Variants in ABCA4 observed in about 807,000 individuals in gnomAD.
ABCA4 encodes retinal-specific phospholipid-transporting ATPase ABCA4.
A neutral mutation model predicts 263.7 loss-of-function variants in ABCA4; 196 were observed. The observed-to-expected ratio is 0.74, with a 90% confidence interval of 0.66 to 0.84. The LOEUF (loss-of-function observed/expected upper bound fraction) is 0.84. Among genes scored for constraint, ABCA4 ranks in the 40% least tolerant of loss-of-function variants. The probability of loss-of-function intolerance (pLI) is 0.00; values close to 1 mark genes in which losing one functional copy is unlikely to be tolerated. For missense variants in ABCA4, 2,792 were observed against 2,855.1 expected (o/e 0.98, Z 0.50); for synonymous variants, 1,133 against 1,094.2 (o/e 1.04, Z -0.70).
chr1:94,106,707 G>C (rs1005709579), intron 4 of ABCA4, among the ~76,000 whole-genome samples: 4 of 152,184 alleles, frequency 2.6e-5, no homozygotes, highest in African/African-American at 9.7e-5. Context: ...ACGTAATTCA[G>C]CATCTTCATA....
At chr1:94,057,719 G>A (rs930650246) in intron 14 of ABCA4, among the ~76,000 whole-genome samples, 1 of 152,224 alleles carries the variant, frequency 6.6e-6, no homozygotes, top group African/African-American at 2.4e-5. Flanking sequence ...CTTTGGCTAT[G>A]TAGAAAATAG....
intron 30 of ABCA4, among the ~76,000 whole-genome samples, chr1:94,025,265 G>A (rs771774543): frequency 3.3e-4 from 50 of 151,984 alleles, no homozygotes; most frequent in Non-Finnish European, 5.4e-4. Context: ...ACAGAATGGC[G>A]TCACTCCAAA....
At chr1:94,047,960 A>G (rs899538557) in intron 18 of ABCA4, among the ~76,000 whole-genome samples, 3 of 152,172 alleles carry the variant, frequency 2.0e-5, no homozygotes, top group East Asian at 1.9e-4. Context: ...GAAAAAGTCC[A>G]CTGTTTCTTC....
At chr1:94,025,784 C>T (rs1431269004) in intron 30 of ABCA4, among the ~76,000 whole-genome samples, 2 of 152,152 alleles carry the variant, frequency 1.3e-5, no homozygotes, top group Admixed American at 6.5e-5. Flanking sequence ...AGTTTCCTCC[C>T]GATGGATCTG....
intron 6 of ABCA4, among the ~76,000 whole-genome samples, chr1:94,088,378 C>T (rs1278981393): frequency 6.6e-6 from 1 of 152,154 alleles, no homozygotes; most frequent in African/African-American, 2.4e-5. Flanking sequence ...CTGCACACTC[C>T]CCGGATAGTC....
At chr1:94,071,721 G>T (rs1458907749) in intron 11 of ABCA4, among the ~76,000 whole-genome samples, 2 of 152,124 alleles carry the variant, frequency 1.3e-5, no homozygotes, top group South Asian at 4.2e-4. Flanking sequence ...TTACTATTTG[G>T]ACCTCCACCC....
intron 6 of ABCA4, among the ~76,000 whole-genome samples, chr1:94,088,613 A>T (rs1661892517): frequency 2.0e-5 from 3 of 152,184 alleles, no homozygotes; most frequent in Admixed American, 2.0e-4. Flanking sequence ...TCTGGGACCC[A>T]TCATGGGTTC....
intron 27 of ABCA4, among the ~76,000 whole-genome samples, chr1:94,031,464 A>G (rs1410444128): frequency 6.6e-6 from 1 of 152,254 alleles, no homozygotes; most frequent in East Asian, 1.9e-4. Context: ...AAAGAGGGCA[A>G]TGATTTTGAT....
intron 28 of ABCA4, 46 bp from the exon 29 acceptor site, chr1:94,030,572 A>G (rs1660171788): frequency 1.3e-5 from 20 of 1,533,558 alleles, no homozygotes; most frequent in Non-Finnish European, 1.8e-5. Flanking sequence ...GGCGCGTGCC[A>G]ACATCATGCA....
At chr1:94,015,691 C>T (rs1659713983) in intron 37 of ABCA4, 48 bp downstream of exon 37, 4 of 1,492,612 alleles carry the variant, frequency 2.7e-6, no homozygotes, top group South Asian at 1.2e-5. Flanking sequence ...CCACCCCCAC[C>T]ACCAGGCTTC....
rs1661673887 is a variant in ABCA4, at chr1:94,080,730, CAA to C, written c.859-14_859-13del. ...GGCCGATGGATAAACTAGGGCAAGG[CAA>C]AGTCTTCAGGTTATTTTAAGGCAGC... On this transcript the variant is annotated splice_polypyrimidine_tract_variant and intron_variant, in intron 7 of 49. Coordinates refer to ENST00000370225, the MANE Select transcript of ABCA4 (RefSeq NM_000350.3). The C allele has an allele frequency of 1.2e-6, 2 of 1,614,102 alleles. No homozygotes were observed. The highest frequency in any genetic ancestry group is 1.7e-6 in the Non-Finnish European group (2 of 1,180,016).
At chr1:93,999,737 C>G (rs1203610240) in intron 47 of ABCA4, among the ~76,000 whole-genome samples, 4 of 152,124 alleles carry the variant, frequency 2.6e-5, no homozygotes, top group Non-Finnish European at 5.9e-5. Flanking sequence ...CCTTTCAGCT[C>G]CAGAAAACTC....
At chr1:94,014,311 AGGAAGGAGGGACGGG>A (rs1463579087) in intron 38 of ABCA4, among the ~76,000 whole-genome samples, 1 of 144,672 alleles carries the variant, frequency 6.9e-6, no homozygotes, top group Non-Finnish European at 1.5e-5. Flanking sequence ...TGAAAAAGGA[AGGAAGGAGGGACGGG>A]GGAAGGAGGG....
chr1:94,119,280 T>C (rs1408637706), intron 1 of ABCA4, among the ~76,000 whole-genome samples: 1 of 152,144 alleles, frequency 6.6e-6, no homozygotes, highest in East Asian at 1.9e-4. Flanking sequence ...AGACAACAGA[T>C]AACTTCAGCA....
Position 94,098,575 on chromosome 1 carries a change from A to G in ABCA4, c.768+219T>C, listed in dbSNP as rs371924246. Reference sequence around the variant, plus strand: ...TTTAGAGTGGACACAAACATGCCACAGCCACATACCTAATGGTGAACCTCA... The same window carrying G: ...TTTAGAGTGGACACAAACATGCCACGGCCACATACCTAATGGTGAACCTCA... On this transcript the variant is annotated intron_variant, in intron 6 of 49. Transcript: ENST00000370225. 1.7e-3 allele frequency among the ~76,000 whole-genome samples: 262 copies of G among 152,322 alleles called. 1 individual carries two copies. Among genetic ancestry groups the G allele is most frequent in the African/African-American group, 6.1e-3 (252 of 41,572 alleles).
In ABCA4 at chr1:94,070,797, G is replaced by T. The variant is rs532564684; in HGVS notation, c.1554+6893C>A. On this transcript the variant is annotated intron_variant, in intron 11 of 49. Coordinates refer to ENST00000370225, the MANE Select transcript of ABCA4 (RefSeq NM_000350.3). ...TCAGTGGTACCAGGTGGGAAGCCTG[G>T]GGCAGTCCCATAGAACATGGAAGAA... Among the ~76,000 whole-genome samples the T allele has an allele frequency of 1.4e-4, 21 of 152,276 alleles. No individual in the cohort carries two copies. In the East Asian group the frequency reaches 3.5e-3, roughly 25 times the overall value.
At chr1:94,072,897 T>C (rs1171843177) in intron 11 of ABCA4, among the ~76,000 whole-genome samples, 1 of 152,104 alleles carries the variant, frequency 6.6e-6, no homozygotes, top group Non-Finnish European at 1.5e-5. Context: ...GTGAATGAGA[T>C]TGCAGACCCT....
chr1:94,034,923 C>A (rs150541943), intron 26 of ABCA4, among the ~76,000 whole-genome samples: 33 of 152,302 alleles, frequency 2.2e-4, no homozygotes, highest in Non-Finnish European at 4.4e-4. Context: ...TTAATTCTCT[C>A]AACAATGCTA....
chr1:94,013,324 G>A (rs931446707), intron 38 of ABCA4, among the ~76,000 whole-genome samples: 1 of 149,560 alleles, frequency 6.7e-6, no homozygotes, highest in Non-Finnish European at 1.5e-5. Flanking sequence ...ACCCTAACAA[G>A]ATCTGGAAAG....
Sources: allele counts gnomAD v4.1 joint callset (sites outside exome capture counted in the v4.1 genomes callset), GRCh38; gene constraint gnomAD v4.1.1; transcripts MANE v1.5; gene names NCBI Gene and HGNC (gene_info 2026-07-23, HGNC 2026-07-21).